ABLIM1: variants seen among roughly 807,000 people sequenced by gnomAD.
ABLIM1 encodes actin-binding LIM protein 1.
ABLIM1 carries 40 observed loss-of-function variants against 107.0 expected under a neutral mutation model. The observed-to-expected ratio is 0.37, with a 90% CI of 0.29 to 0.49. ABLIM1 has a LOEUF of 0.49. ABLIM1 is among the 20% of genes least tolerant of loss of function. The pLI is 0.97. For synonymous variants in ABLIM1, 357 were observed against 357.3 expected, an observed-to-expected ratio of 1.00 and a Z score of 0.01; for missense variants, 857 against 1,008.5, an observed-to-expected ratio of 0.85 and a Z score of 2.04.
intron 2 of ABLIM1, among the ~76,000 whole-genome samples, chr10:114,590,559 T>G (rs888477968): frequency 2.5e-4 from 38 of 152,210 alleles, no homozygotes; most frequent in African/African-American, 8.9e-4. Flanking sequence ...TCACTAAAGG[T>G]TCTGCTACTT....
chr10:114,728,505 C>A (rs1473601413), intron 1 of ABLIM1, among the ~76,000 whole-genome samples: 1 of 68,012 alleles, frequency 1.5e-5, no homozygotes, highest in African/African-American at 5.5e-5. Flanking sequence ...TCATAAAATA[C>A]GATAAGGCAG....
chr10:114,469,819 C>T (rs758308361), intron 10 of ABLIM1, among the ~76,000 whole-genome samples: 5 of 152,180 alleles, frequency 3.3e-5, no homozygotes, highest in Non-Finnish European at 5.9e-5. Flanking sequence ...AATTAAAATG[C>T]AAAAAGCTTT....
At chr10:114,535,919 T>A (rs1408676838) in intron 6 of ABLIM1, among the ~76,000 whole-genome samples, 1 of 152,044 alleles carries the variant, frequency 6.6e-6, no homozygotes, top group Non-Finnish European at 1.5e-5. Context: ...AGGACTGACT[T>A]TGGGACTTAA....
At chr10:114,642,044 G>A (rs1262946388) in intron 1 of ABLIM1, among the ~76,000 whole-genome samples, 1 of 151,944 alleles carries the variant, frequency 6.6e-6, no homozygotes, top group Non-Finnish European at 1.5e-5. Flanking sequence ...CACCATACCT[G>A]GCTGATTTTT....
chr10:114,445,904 C>T (rs113945120), intron 15 of ABLIM1, among the ~76,000 whole-genome samples: 38 of 152,240 alleles, frequency 2.5e-4, no homozygotes, highest in African/African-American at 8.2e-4. Context: ...TGGGTAGCTG[C>T]GACCACAGGT....
intron 5 of ABLIM1, among the ~76,000 whole-genome samples, chr10:114,547,158 TA>T (rs200920089): frequency 1.0e-3 from 71 of 70,828 alleles, no homozygotes; most frequent in East Asian, 8.7e-3. Context: ...AGGCTACATT[TA>T]AAAAAAAAAA....
At chr10:114,655,498 T>G (rs950052567) in intron 1 of ABLIM1, among the ~76,000 whole-genome samples, 2 of 152,192 alleles carry the variant, frequency 1.3e-5, no homozygotes, top group Non-Finnish European at 2.9e-5. Context: ...TCTGTTTGAG[T>G]AGAAACATTC....
intron 1 of ABLIM1, among the ~76,000 whole-genome samples, chr10:114,731,272 C>T (rs1049266147): frequency 6.6e-6 from 1 of 150,714 alleles, no homozygotes; most frequent in African/African-American, 2.4e-5. Context: ...TTGCGAGTAG[C>T]TGAGATTACA....
chr10:114,478,180 A>G (rs2056781752), intron 8 of ABLIM1, among the ~76,000 whole-genome samples: 1 of 152,168 alleles, frequency 6.6e-6, no homozygotes, highest in Non-Finnish European at 1.5e-5. Flanking sequence ...TTGGTTTTTA[A>G]AAGTTTTCAG....
At position 114,441,760 on chromosome 10, in the gene ABLIM1, C is replaced by T; in HGVS notation, c.1960G>A (p.Ala654Thr). 1 of 1,613,960 alleles carries T rather than the reference C, an allele frequency of 6.2e-7. No individual in the cohort carries two copies. Among genetic ancestry groups the T allele is most frequent in the South Asian group, 1.1e-5 (1 of 91,064 alleles). The change falls in exon 18 of 23, where the codon GCA (alanine) becomes ACA (threonine). Residue 654 changes from alanine (A) to threonine (T), a missense_variant. Coordinates refer to ENST00000533213, the MANE Select transcript of ABLIM1 (RefSeq NM_002313.7). Reference sequence around the variant, plus strand: ...TTTCTTCCATAGCCAGGGAGAGATGCAGTTTTAGATGATGGAATATGTGAA... The same window carrying T: ...TTTCTTCCATAGCCAGGGAGAGATGTAGTTTTAGATGATGGAATATGTGAA... ...SASHIPSSKT[A>T]SLPGYGRNGL...
chr10:114,679,293 T>C (rs1039143680), intron 1 of ABLIM1, among the ~76,000 whole-genome samples: 1 of 152,014 alleles, frequency 6.6e-6, no homozygotes, highest in African/African-American at 2.4e-5. Flanking sequence ...GCCAGACCCC[T>C]GTTGTTTGCT....
rs774558721 is a variant in ABLIM1 at position 114,435,466 on chromosome 10, G to T, written c.*794C>A. ...TTTGTGTTTTTCCTTTCTTTGCAAAGGTGGAGCTCCAGACAGCTCCTGTCC... is the reference window on the plus strand; with the variant it reads ...TTTGTGTTTTTCCTTTCTTTGCAAATGTGGAGCTCCAGACAGCTCCTGTCC... On this transcript the variant is annotated 3_prime_UTR_variant, in exon 23 of 23. Transcript: ENST00000533213. 6.6e-6 allele frequency: 1 copy of T among 152,210 alleles called. No individual in the cohort carries two copies. Among genetic ancestry groups the T allele is most frequent in the African/African-American group, 2.4e-5 (1 of 41,458 alleles). The allele number at this position is 152,210 out of a possible 1,614,324, so 9.4% of individuals were successfully genotyped here.
chr10:114,634,661 A>T (rs992888418), intron 1 of ABLIM1, among the ~76,000 whole-genome samples: 1 of 152,016 alleles, frequency 6.6e-6, no homozygotes, highest in Non-Finnish European at 1.5e-5. Flanking sequence ...AATACTACAT[A>T]GTGGTTCAGA....
chr10:114,597,507 G>T (rs2075542886), intron 2 of ABLIM1, among the ~76,000 whole-genome samples: 1 of 148,686 alleles, frequency 6.7e-6, no homozygotes, highest in Non-Finnish European at 1.5e-5. Flanking sequence ...AAGAAGGGAA[G>T]GGAAGGGAAA....
At chr10:114,724,436 C>T (rs552947417) in intron 1 of ABLIM1, among the ~76,000 whole-genome samples, 73 of 152,182 alleles carry the variant, frequency 4.8e-4, no homozygotes, top group African/African-American at 1.6e-3. Context: ...TAGGTAAACT[C>T]GGCCTCTCCT....
chr10:114,581,219 A>G (rs547031006), intron 2 of ABLIM1, among the ~76,000 whole-genome samples: 5 of 152,218 alleles, frequency 3.3e-5, no homozygotes, highest in Non-Finnish European at 7.4e-5. Context: ...GGAGCTGCCC[A>G]TGTAGTAAAA....
chr10:114,527,203 C>T (rs1205730073), intron 6 of ABLIM1, among the ~76,000 whole-genome samples: 2 of 152,162 alleles, frequency 1.3e-5, no homozygotes, highest in Non-Finnish European at 2.9e-5. Flanking sequence ...ATCACACAGC[C>T]TGCAGCCTCC....
At chr10:114,688,728 T>A (rs1484917772), upstream of ABLIM1, among the ~76,000 whole-genome samples, 1 of 152,204 alleles carries the variant, frequency 6.6e-6, no homozygotes, top group Non-Finnish European at 1.5e-5. Context: ...CATAAGCAGC[T>A]AGAATCAGAG....
At chr10:114,613,937 A>C (rs189912723) in intron 1 of ABLIM1, among the ~76,000 whole-genome samples, 42 of 152,284 alleles carry the variant, frequency 2.8e-4, no homozygotes, top group Admixed American at 4.6e-4. Flanking sequence ...ACAAGGGAGC[A>C]TAACCCTGGT....
Sources: gnomAD v4.1 joint callset for allele counts (sites outside exome capture counted in the v4.1 genomes callset) on GRCh38, gnomAD v4.1.1 for gene constraint, MANE v1.5 for transcripts, NCBI Gene and HGNC (gene_info 2026-07-23, HGNC 2026-07-21) for gene names.